MDGA2: variants seen among roughly 807,000 people sequenced by gnomAD.
MDGA2 encodes the protein MAM domain-containing glycosylphosphatidylinositol anchor protein 2.
In MDGA2, 40 loss-of-function variants were observed where a neutral mutation model predicts 117.8. The observed-to-expected ratio is 0.34, with a 90% CI of 0.26 to 0.44. MDGA2 has a LOEUF of 0.44. Among genes scored for constraint, MDGA2 ranks in the 20% least tolerant of loss-of-function variants. MDGA2 has a pLI of 1.00. For missense variants in MDGA2, 1,123 were observed against 1,250.6 expected (o/e 0.90, Z 1.54); for synonymous variants, 452 against 439.0 (o/e 1.03, Z -0.37).
chr14:47,383,134 C>T (rs1459953178), intron 1 of MDGA2, among the ~76,000 whole-genome samples: 1 of 152,050 alleles, frequency 6.6e-6, no homozygotes, highest in Non-Finnish European at 1.5e-5. Flanking sequence ...TGTTCTCACT[C>T]ATAGGTGGGA....
chr14:47,116,240 A>C (rs1401084805), intron 5 of MDGA2, among the ~76,000 whole-genome samples: 3 of 152,258 alleles, frequency 2.0e-5, no homozygotes, highest in Admixed American at 1.3e-4. Flanking sequence ...AAAACTACAA[A>C]ACATTGGTGA....
intron 1 of MDGA2, among the ~76,000 whole-genome samples, chr14:47,347,368 G>A (rs1890783595): frequency 6.6e-6 from 1 of 152,152 alleles, no homozygotes; most frequent in Non-Finnish European, 1.5e-5. Context: ...AGAAAACATG[G>A]CAATGAGAAT....
intron 1 of MDGA2, among the ~76,000 whole-genome samples, chr14:47,660,421 C>T (rs1411712216): frequency 6.6e-6 from 1 of 152,164 alleles, no homozygotes; most frequent in African/African-American, 2.4e-5. Flanking sequence ...GGAAAAATGA[C>T]TTTTATAGTG....
intron 8 of MDGA2, among the ~76,000 whole-genome samples, chr14:46,988,431 C>T (rs1886948625): frequency 6.6e-6 from 1 of 151,854 alleles, no homozygotes; most frequent in Non-Finnish European, 1.5e-5. Flanking sequence ...AACTGAAACA[C>T]CAGGGAAGCA....
intron 6 of MDGA2, among the ~76,000 whole-genome samples, chr14:47,076,523 T>C (rs149955214): frequency 8.0e-5 from 12 of 150,004 alleles, no homozygotes; most frequent in African/African-American, 3.0e-4. Context: ...TATTTCAATA[T>C]ATGTGTATGA....
intron 9 of MDGA2, among the ~76,000 whole-genome samples, chr14:46,925,581 G>A (rs567432088): frequency 2.8e-5 from 4 of 141,216 alleles, no homozygotes; most frequent in East Asian, 2.2e-4. Flanking sequence ...GTAGTGAGCC[G>A]AGATTGCCCA....
At chr14:47,048,461 T>C (rs1322051252) in intron 7 of MDGA2, among the ~76,000 whole-genome samples, 1 of 152,110 alleles carries the variant, frequency 6.6e-6, no homozygotes, top group African/African-American at 2.4e-5. Context: ...ATTTTATTAC[T>C]TCTGCAATAA....
chr14:47,500,775 T>C (rs554541032), intron 1 of MDGA2, among the ~76,000 whole-genome samples: 38 of 152,250 alleles, frequency 2.5e-4, no homozygotes, highest in African/African-American at 8.7e-4. Context: ...ATTACAACTG[T>C]AGTTAGTTAG....
intron 8 of MDGA2, among the ~76,000 whole-genome samples, chr14:47,027,269 T>C (rs1192314979): frequency 6.6e-6 from 1 of 152,122 alleles, no homozygotes; most frequent in Non-Finnish European, 1.5e-5. Context: ...ATGGAAATGA[T>C]ATAATGATAT....
intron 5 of MDGA2, among the ~76,000 whole-genome samples, chr14:47,112,571 T>A (rs973333001): frequency 2.6e-5 from 4 of 152,200 alleles, no homozygotes; most frequent in African/African-American, 9.6e-5. Flanking sequence ...GCAAAGAACA[T>A]CGTTCCTTTC....
intron 8 of MDGA2, among the ~76,000 whole-genome samples, chr14:46,958,241 G>A (rs1243517951): frequency 1.3e-5 from 2 of 152,156 alleles, no homozygotes; most frequent in Admixed American, 1.3e-4. Context: ...TAAGCAGTAA[G>A]AGAAGGCATT....
intron 1 of MDGA2, among the ~76,000 whole-genome samples, chr14:47,586,999 A>C (rs1031492070): frequency 6.6e-6 from 1 of 151,868 alleles, no homozygotes; most frequent in African/African-American, 2.4e-5. Context: ...GGATTTTTTT[A>C]GTTTTGGTCA....
At chr14:47,520,551 T>C (rs540423950) in intron 1 of MDGA2, among the ~76,000 whole-genome samples, 6 of 152,312 alleles carry the variant, frequency 3.9e-5, no homozygotes, top group South Asian at 2.1e-4. Flanking sequence ...TGAGAAATTA[T>C]ATTAGTCATT....
chr14:46,943,579 A>G (rs1471120064), intron 9 of MDGA2, among the ~76,000 whole-genome samples: 2 of 152,078 alleles, frequency 1.3e-5, no homozygotes, highest in Non-Finnish European at 2.9e-5. Flanking sequence ...ATATTGTACC[A>G]GTTAACATAT....
intron 2 of MDGA2, among the ~76,000 whole-genome samples, chr14:47,254,901 G>T (rs1348010102): frequency 6.6e-6 from 1 of 152,190 alleles, no homozygotes; most frequent in Non-Finnish European, 1.5e-5. Context: ...TCACATAGCA[G>T]CAGGAGAGAG....
At chr14:46,871,118 C>T (rs1881977319) in intron 14 of MDGA2, 1 of 149,898 alleles carries the variant, frequency 6.7e-6, no homozygotes, top group East Asian at 2.0e-4. Flanking sequence ...ATATAGTAAT[C>T]CCACAATAAA....
intron 1 of MDGA2, among the ~76,000 whole-genome samples, chr14:47,652,165 G>A (rs182140323): frequency 1.4e-3 from 206 of 152,270 alleles, no homozygotes; most frequent in Admixed American, 6.7e-3. Flanking sequence ...GGAAGAACTA[G>A]CAAAAGATAT....
chr14:47,161,893 A>G (rs1204013898), intron 3 of MDGA2, among the ~76,000 whole-genome samples: 1 of 122,276 alleles, frequency 8.2e-6, no homozygotes, highest in Non-Finnish European at 1.7e-5. Context: ...GTTTATTCAT[A>G]TCCATTAGAT....
At chr14:47,425,260 T>G (rs1460787575) in intron 1 of MDGA2, among the ~76,000 whole-genome samples, 1 of 152,208 alleles carries the variant, frequency 6.6e-6, no homozygotes, top group African/African-American at 2.4e-5. Context: ...TTGGAGATAT[T>G]CATTTTTAGC....
Sources: allele counts gnomAD v4.1 joint callset (sites outside exome capture counted in the v4.1 genomes callset), GRCh38; gene constraint gnomAD v4.1.1; transcripts MANE v1.5; gene names NCBI Gene and HGNC (gene_info 2026-07-23, HGNC 2026-07-21).